Variants in HAUS1 observed in about 807,000 individuals in gnomAD.
HAUS1 encodes HAUS augmin-like complex subunit 1.
In HAUS1, 25 loss-of-function variants were observed where a neutral mutation model predicts 38.6. The observed-to-expected ratio is 0.65, with a 90% CI of 0.47 to 0.91. The LOEUF is 0.91. HAUS1 is among the 40% of genes least tolerant of loss of function. HAUS1 has a pLI of 0.00. For missense variants in HAUS1, 325 were observed against 328.4 expected (o/e 0.99, Z 0.08); for synonymous variants, 109 against 112.9 (o/e 0.97, Z 0.22).
chr18:46,127,514 G>A (rs1339747641), intron 8 of HAUS1, among the ~76,000 whole-genome samples: 1 of 151,886 alleles, frequency 6.6e-6, no homozygotes, highest in African/African-American at 2.4e-5. Flanking sequence ...GACTAACCTG[G>A]CCAAGATGGT....
chr18:46,116,106 A>G (rs931805157), intron 2 of HAUS1, among the ~76,000 whole-genome samples: 1 of 151,994 alleles, frequency 6.6e-6, no homozygotes, highest in Non-Finnish European at 1.5e-5. Flanking sequence ...ACTGTCTCAG[A>G]AAAAGGGAAG....
intron 3 of HAUS1, 55 bp from the exon 4 acceptor site, chr18:46,119,871 G>A: frequency 7.0e-7 from 1 of 1,425,632 alleles, no homozygotes; most frequent in Non-Finnish European, 9.4e-7. Flanking sequence ...GCAATGAGGA[G>A]TAATTATAAT....
At chr18:46,125,253 C>G (rs1053159007) in intron 7 of HAUS1, among the ~76,000 whole-genome samples, 2 of 150,906 alleles carry the variant, frequency 1.3e-5, no homozygotes, top group African/African-American at 2.4e-5. Flanking sequence ...GAGCAAGACT[C>G]CATCTCAAAA....
chr18:46,123,731 A>G (rs1446698525), intron 6 of HAUS1, among the ~76,000 whole-genome samples: 1 of 152,154 alleles, frequency 6.6e-6, no homozygotes, highest in Non-Finnish European at 1.5e-5. Context: ...ACCAAATGCA[A>G]TTCTGGGATT....
intron 2 of HAUS1, 100 bp from the exon 3 acceptor site, chr18:46,118,081 A>G (rs1911842185): frequency 9.2e-7 from 1 of 1,087,658 alleles, no homozygotes; most frequent in South Asian, 1.4e-5. Context: ...TACATACCTT[A>G]GGTGGGTGGA....
chr18:46,105,550 ATGTGTG>A (rs34943742), intron 2 of HAUS1, 182 bp downstream of exon 2: 13,746 of 268,900 alleles, frequency 0.051, 297 homozygotes, highest in Middle Eastern at 0.061. Context: ...ATGTATATGT[ATGTGTG>A]TGTGTGTGTG....
chr18:46,112,227 CAT>C (rs1317359161), intron 2 of HAUS1, among the ~76,000 whole-genome samples: 1 of 140,024 alleles, frequency 7.1e-6, no homozygotes, highest in African/African-American at 2.6e-5. Flanking sequence ...CTTTGGCTTC[CAT>C]ATATATATAA....
chr18:46,106,694 C>G (rs1005058819), intron 2 of HAUS1: 1 of 151,984 alleles, frequency 6.6e-6, no homozygotes, highest in African/African-American at 2.4e-5. Flanking sequence ...TGCATATGTG[C>G]TTTTTTCCAG....
intron 2 of HAUS1, among the ~76,000 whole-genome samples, chr18:46,108,023 T>C (rs547889059): frequency 5.3e-5 from 8 of 152,236 alleles, no homozygotes; most frequent in Non-Finnish European, 1.2e-4. Flanking sequence ...TTTTTAATCA[T>C]GAGGAATACA....
intron 2 of HAUS1, 181 bp downstream of exon 2, chr18:46,105,549 TA>T: frequency 3.4e-5 from 13 of 379,748 alleles, no homozygotes; most frequent in Admixed American, 5.4e-5. Flanking sequence ...TATGTATATG[TA>T]TGTGTGTGTG....
At chr18:46,122,767 C>T (rs9965812) in intron 5 of HAUS1, among the ~76,000 whole-genome samples, 177 bp downstream of exon 5, 90,065 of 151,970 alleles carry the variant, frequency 0.59, 27,194 homozygotes, top group African/African-American at 0.72. Context: ...ACTCAGGCAT[C>T]CAGGCTCTGA....
chr18:46,104,420 G>A lies in HAUS1; in HGVS notation c.9G>A (p.Pro3=). The A allele has an allele frequency of 2.1e-6, 3 of 1,461,870 alleles. No homozygotes were observed. The highest frequency in any genetic ancestry group is 2.4e-5 in the Admixed American group (1 of 42,264). 90.6% of individuals were successfully genotyped at this position (1,461,870 alleles called of 1,614,324 possible). A position where few individuals can be genotyped will look rare whatever the true frequency, so the allele number is the denominator to read the frequency against. ...TGGCGGGAGCCGCAGCTATGGAGCC[G>A]CAGGAGGAGAGAGAAACGCAGGTGA... ME[P]QEERETQVAA... Residue 3 remains proline (P), a synonymous_variant, in exon 1 of 9, where the codon CCG becomes CCA. Coordinates refer to ENST00000282058, the MANE Select transcript of HAUS1 (RefSeq NM_138443.4).
chr18:46,115,793 A>G (rs1400359411), intron 2 of HAUS1, among the ~76,000 whole-genome samples: 1 of 152,166 alleles, frequency 6.6e-6, no homozygotes, highest in Admixed American at 6.6e-5. Context: ...AAAATTTAAA[A>G]CTTTTGTTCT....
chr18:46,116,955 G>C (rs528971140), intron 2 of HAUS1, among the ~76,000 whole-genome samples: 14 of 130,856 alleles, frequency 1.1e-4, no homozygotes, highest in African/African-American at 3.8e-4. Context: ...CTGGATGACA[G>C]AGTGAGACCC....
chr18:46,111,999 C>T (rs1911646584), intron 2 of HAUS1, among the ~76,000 whole-genome samples: 2 of 150,130 alleles, frequency 1.3e-5, no homozygotes, highest in Non-Finnish European at 1.5e-5. Flanking sequence ...TATTCTCCTG[C>T]CTCAGCCTCC....
intron 2 of HAUS1, among the ~76,000 whole-genome samples, chr18:46,110,413 C>T (rs1252379360): frequency 9.8e-5 from 13 of 132,256 alleles, no homozygotes; most frequent in South Asian, 2.5e-4. Flanking sequence ...GGCGCAGTCT[C>T]GGCTCACTGC....
In HAUS1 at chr18:46,119,346, C is replaced by G. The variant is rs548591409; in HGVS notation, c.342-580C>G. On this transcript the variant is annotated intron_variant, in intron 3 of 8. Coordinates refer to ENST00000282058, the MANE Select transcript of HAUS1 (RefSeq NM_138443.4). ...TGAATTAAATAAGTTCAGCAGATAA[C>G]AAATACCAGTTGTATGTTAGTTGTA... Among the ~76,000 whole-genome samples, 537 of 151,940 alleles carry G rather than the reference C, an allele frequency of 3.5e-3. 4 individuals are homozygous for G. The highest frequency in any genetic ancestry group is 5.9e-3 in the Non-Finnish European group (401 of 67,996).
chr18:46,124,491 T>G (rs941512093), intron 6 of HAUS1, among the ~76,000 whole-genome samples: 1 of 147,738 alleles, frequency 6.8e-6, no homozygotes, highest in Non-Finnish European at 1.5e-5. Flanking sequence ...AAGGCTGAAG[T>G]GGGAAGATTG....
chr18:46,123,169 C>T, intron 5 of HAUS1, 130 bp from the exon 6 acceptor site: 1 of 635,380 alleles, frequency 1.6e-6, no homozygotes, highest in Non-Finnish European at 2.8e-6. Context: ...CGAGATCGCG[C>T]CACTGCACTC....
Sources: gnomAD v4.1 joint callset for allele counts (sites outside exome capture counted in the v4.1 genomes callset) on GRCh38, gnomAD v4.1.1 for gene constraint, MANE v1.5 for transcripts, NCBI Gene and HGNC (gene_info 2026-07-23, HGNC 2026-07-21) for gene names.